CSMD3: variants seen among roughly 807,000 people sequenced by gnomAD.
The protein encoded by CSMD3 is CUB and Sushi multiple domains 3.
In CSMD3, 177 loss-of-function variants were observed where a neutral mutation model predicts 435.2. The ratio of observed to expected loss-of-function variants is 0.41; its 90% CI spans 0.36 to 0.46. The LOEUF (loss-of-function observed/expected upper bound fraction) is 0.46, where lower values mean the gene tolerates loss of function less well. Among genes scored for constraint, CSMD3 ranks in the 20% least tolerant of loss-of-function variants. The probability of loss-of-function intolerance (pLI) is 0.34; values close to 1 mark genes in which losing one functional copy is unlikely to be tolerated. For synonymous variants in CSMD3, 1,656 were observed against 1,520.5 expected, an observed-to-expected ratio of 1.09 and a Z score of -2.07; for missense variants, 4,265 against 4,504.6, an observed-to-expected ratio of 0.95 and a Z score of 1.52.
intron 31 of CSMD3, among the ~76,000 whole-genome samples, chr8:112,481,064 G>C (rs1819585516): frequency 6.6e-6 from 1 of 152,120 alleles, no homozygotes; most frequent in Non-Finnish European, 1.5e-5. Flanking sequence ...CAATGATACA[G>C]TAGACAGATG....
intron 32 of CSMD3, among the ~76,000 whole-genome samples, chr8:112,436,041 G>T (rs1814306471): frequency 6.6e-6 from 1 of 151,884 alleles, no homozygotes. Context: ...TCTCCCAAAT[G>T]ACTTCCAGTC....
At chr8:112,933,947 A>T (rs1011729090) in intron 9 of CSMD3, among the ~76,000 whole-genome samples, 4 of 152,152 alleles carry the variant, frequency 2.6e-5, no homozygotes, top group Admixed American at 1.3e-4. Flanking sequence ...GTCTGGGAAG[A>T]TCAGCAACAA....
intron 1 of CSMD3, among the ~76,000 whole-genome samples, chr8:113,422,989 C>A (rs1442121108): frequency 6.6e-6 from 1 of 151,170 alleles, no homozygotes; most frequent in African/African-American, 2.4e-5. Context: ...GGAAGGAACC[C>A]AAGTCTAAAC....
At chr8:112,734,913 C>T (rs1335799088) in intron 13 of CSMD3, among the ~76,000 whole-genome samples, 1 of 151,962 alleles carries the variant, frequency 6.6e-6, no homozygotes, top group Non-Finnish European at 1.5e-5. Context: ...CTTTTTACAG[C>T]TTCCCAAGCA....
chr8:112,592,246 T>C (rs1831255170), intron 22 of CSMD3, among the ~76,000 whole-genome samples: 1 of 152,070 alleles, frequency 6.6e-6, no homozygotes. Flanking sequence ...GGTAGAAAGA[T>C]ACATTAATTT....
intron 38 of CSMD3, among the ~76,000 whole-genome samples, chr8:112,353,371 C>T (rs1202237101): frequency 6.6e-6 from 1 of 151,974 alleles, no homozygotes; most frequent in Non-Finnish European, 1.5e-5. Context: ...GCCTGGGTGA[C>T]AGAGCGAGAC....
chr8:112,405,101 T>C (rs989540959), intron 35 of CSMD3, among the ~76,000 whole-genome samples: 7 of 146,030 alleles, frequency 4.8e-5, no homozygotes, highest in Non-Finnish European at 3.0e-5. Context: ...GCAGGAGGCT[T>C]TAACCTGGGA....
intron 11 of CSMD3, among the ~76,000 whole-genome samples, chr8:112,853,624 T>A (rs1241330694): frequency 3.3e-5 from 5 of 152,238 alleles, no homozygotes; most frequent in African/African-American, 1.2e-4. Context: ...GCTGACAATT[T>A]GCAAACTTTC....
chr8:112,278,117 G>C (rs1563728254), intron 59 of CSMD3, among the ~76,000 whole-genome samples: 2 of 152,136 alleles, frequency 1.3e-5, no homozygotes, highest in African/African-American at 4.8e-5. Flanking sequence ...ACCAATTCTG[G>C]GGAGGGGGCA....
chr8:113,335,473 C>G (rs371370993), intron 1 of CSMD3, among the ~76,000 whole-genome samples: 1 of 146,594 alleles, frequency 6.8e-6, no homozygotes, highest in Non-Finnish European at 1.5e-5. Context: ...GTTTTGTTTT[C>G]AGATGTTCAG....
At chr8:112,352,297 T>C in intron 39 of CSMD3, 119 bp downstream of exon 39, 1 of 1,489,516 alleles carries the variant, frequency 6.7e-7, no homozygotes, top group Non-Finnish European at 9.2e-7. Context: ...GAGCACCCTT[T>C]TGACCTCAGA....
At chr8:112,977,505 T>C (rs1403131056) in intron 6 of CSMD3, among the ~76,000 whole-genome samples, 1 of 152,038 alleles carries the variant, frequency 6.6e-6, no homozygotes, top group Non-Finnish European at 1.5e-5. Flanking sequence ...AGGTGATTAG[T>C]AGGACTAATA....
At chr8:112,951,557 A>G (rs2083811643) in intron 8 of CSMD3, among the ~76,000 whole-genome samples, 1 of 151,818 alleles carries the variant, frequency 6.6e-6, no homozygotes, top group South Asian at 2.1e-4. Context: ...AACTCAAACA[A>G]CACTGATATC....
rs2076697727 is a variant in CSMD3, at chr8:112,715,212, T to C, written c.1973-25162A>G. On this transcript the variant is annotated intron_variant, in intron 13 of 70. Coordinates refer to ENST00000297405, the MANE Select transcript of CSMD3 (RefSeq NM_198123.2). ...AAGGAGAAAAGAGATAAGAATCAAA[T>C]AGACACAATAAAAAATGTCACAATA... Among the ~76,000 whole-genome samples, 4 of 152,028 alleles carry C rather than the reference T, an allele frequency of 2.6e-5. No homozygotes were observed. In the South Asian group the frequency reaches 8.3e-4, roughly 31 times the overall value.
intron 24 of CSMD3, among the ~76,000 whole-genome samples, chr8:112,572,469 TA>T (rs1829610359): frequency 1.3e-5 from 2 of 152,098 alleles, no homozygotes; most frequent in Non-Finnish European, 2.9e-5. Flanking sequence ...ATAGACTCTT[TA>T]CACAAATTAT....
chr8:113,390,770 T>C (rs930431754), intron 1 of CSMD3, among the ~76,000 whole-genome samples: 2 of 152,022 alleles, frequency 1.3e-5, no homozygotes, highest in Non-Finnish European at 2.9e-5. Context: ...AAATAGGCAC[T>C]GTATTTTGGC....
intron 13 of CSMD3, among the ~76,000 whole-genome samples, chr8:112,709,946 T>A (rs1286258395): frequency 6.6e-6 from 1 of 152,146 alleles, no homozygotes; most frequent in African/African-American, 2.4e-5. Context: ...TTTGCAAGTA[T>A]ATGTAATTTT....
intron 6 of CSMD3, among the ~76,000 whole-genome samples, chr8:113,008,415 G>C (rs886079662): frequency 6.6e-6 from 1 of 151,802 alleles, no homozygotes; most frequent in Admixed American, 6.6e-5. Flanking sequence ...CACTAGCTTA[G>C]CTGCCATAAG....
chr8:113,256,626 A>C (rs1258292191), intron 3 of CSMD3, among the ~76,000 whole-genome samples: 5 of 152,228 alleles, frequency 3.3e-5, no homozygotes, highest in African/African-American at 1.2e-4. Context: ...CCTCATTTAG[A>C]GCAGATTTCT....
Sources: allele counts gnomAD v4.1 joint callset (sites outside exome capture counted in the v4.1 genomes callset), GRCh38; gene constraint gnomAD v4.1.1; transcripts MANE v1.5; gene names NCBI Gene and HGNC (gene_info 2026-07-23, HGNC 2026-07-21).